SCP2: variants seen among roughly 807,000 people sequenced by gnomAD.
SCP2 encodes SCP-2/3-oxoacyl-CoA thiolase.
In SCP2, 48 loss-of-function variants were observed where a neutral mutation model predicts 71.4. The observed-to-expected ratio is 0.67, with a 90% confidence interval of 0.53 to 0.86. The LOEUF is 0.86. Ranked by LOEUF, SCP2 falls within the 40% of genes least tolerant of loss-of-function variation. SCP2 has a pLI of 0.00. For synonymous variants in SCP2, 220 were observed against 218.1 expected (o/e 1.01, Z -0.08); for missense variants, 560 against 655.6 (o/e 0.85, Z 1.59).
intron 3 of SCP2, among the ~76,000 whole-genome samples, chr1:52,950,108 T>TTTTA (rs35871937): frequency 0.051 from 7,715 of 151,282 alleles, 383 homozygotes; most frequent in African/African-American, 0.13. Context: ...GGTTTAAAGA[T>TTTTA]TTTATTTATT....
chr1:52,951,317 T>C (rs955638602), intron 4 of SCP2, among the ~76,000 whole-genome samples: 1 of 151,770 alleles, frequency 6.6e-6, no homozygotes, highest in Non-Finnish European at 1.5e-5. Flanking sequence ...AAAGGCTTTA[T>C]CAGCCAGGCA....
chr1:52,991,755 G>T (rs986550798), intron 11 of SCP2, among the ~76,000 whole-genome samples: 1 of 151,914 alleles, frequency 6.6e-6, no homozygotes, highest in African/African-American at 2.4e-5. Flanking sequence ...TTTTGGAAAA[G>T]AATGTTCTTT....
intron 11 of SCP2, among the ~76,000 whole-genome samples, chr1:53,006,734 T>C (rs1351431485): frequency 7.1e-6 from 1 of 140,846 alleles, no homozygotes; most frequent in Non-Finnish European, 1.5e-5. Flanking sequence ...ATGAGCAAAA[T>C]AACCAGCTAA....
intron 12 of SCP2, among the ~76,000 whole-genome samples, chr1:53,016,288 T>C (rs1437402748): frequency 6.6e-6 from 1 of 152,324 alleles, no homozygotes; most frequent in East Asian, 1.9e-4. Context: ...TGTATGTTTT[T>C]GGGTACTATC....
intron 1 of SCP2, among the ~76,000 whole-genome samples, chr1:52,938,717 T>C (rs1254140783): frequency 6.6e-6 from 1 of 152,218 alleles, no homozygotes; most frequent in Admixed American, 6.5e-5. Flanking sequence ...TATCCCTCCA[T>C]ATATAGCCTC....
intron 2 of SCP2, among the ~76,000 whole-genome samples, chr1:52,942,476 AC>A (rs1326690528): frequency 1.3e-5 from 2 of 152,124 alleles, no homozygotes; most frequent in African/African-American, 4.8e-5. Context: ...ACGTGCCACG[AC>A]CAGGCTGCAT....
At chr1:53,037,921 CACACACACAGAT>C (rs1321872585) in intron 13 of SCP2, among the ~76,000 whole-genome samples, 48 of 111,244 alleles carry the variant, frequency 4.3e-4, no homozygotes, top group Non-Finnish European at 6.8e-4. Context: ...CACACACACA[CACACACACAGAT>C]CCAGATCCTG....
At chr1:52,979,869 A>G (rs1158206559) in intron 9 of SCP2, among the ~76,000 whole-genome samples, 8 of 151,982 alleles carry the variant, frequency 5.3e-5, no homozygotes, top group Admixed American at 5.3e-4. Context: ...GTAATATAGA[A>G]TCAATTGACT....
Position 52,978,378 on chromosome 1 carries a change from G to A in SCP2, c.825+11G>A. 6.2e-7 allele frequency: 1 copy of A among 1,602,722 alleles called. No individual in the cohort carries two copies. The highest frequency in any genetic ancestry group is 8.5e-7 in the Non-Finnish European group (1 of 1,169,822). ...AGCATTATTAAAATGGTATGTCTGAGATTCTATTTGTTATTTTTATTTTTA... is the reference window on the plus strand; with the variant it reads ...AGCATTATTAAAATGGTATGTCTGAAATTCTATTTGTTATTTTTATTTTTA... On this transcript the variant is annotated intron_variant, in intron 9 of 15. Coordinates refer to ENST00000371514, the MANE Select transcript of SCP2 (RefSeq NM_002979.5).
intron 11 of SCP2, among the ~76,000 whole-genome samples, chr1:53,001,611 G>A (rs1484213144): frequency 6.6e-6 from 1 of 152,144 alleles, no homozygotes; most frequent in Non-Finnish European, 1.5e-5. Flanking sequence ...TCAAGCTAGA[G>A]AGTGGCAAAG....
rs111601095 is a variant in SCP2 at position 53,025,996 on chromosome 1, C to T, written c.1236-1973C>T. Among the ~76,000 whole-genome samples the T allele has an allele frequency of 2.4e-3, 365 of 152,300 alleles. 3 individuals carry two copies. The highest frequency in any genetic ancestry group is 8.3e-3 in the African/African-American group (347 of 41,568). ...CTTTCTTTTAACATACTCCTTTCTC[C>T]CTCAGGATCTTTGCAGTTTCCTCTT... On this transcript the variant is annotated intron_variant, in intron 12 of 15. Coordinates refer to ENST00000371514, the MANE Select transcript of SCP2 (RefSeq NM_002979.5).
chr1:53,048,274 CCA>C, intron 15 of SCP2: 3 of 350,038 alleles, frequency 8.6e-6, no homozygotes, highest in South Asian at 7.1e-5. Flanking sequence ...AGGGAGAGCA[CCA>C]CAGAGGAAGC....
intron 11 of SCP2, chr1:52,993,743 G>A (rs1659717359): frequency 6.2e-7 from 1 of 1,604,840 alleles, no homozygotes; most frequent in African/African-American, 1.3e-5. Flanking sequence ...TATGATTGAA[G>A]ACTCCTGCAT....
At chr1:53,034,313 A>C (rs1257015065) in intron 13 of SCP2, among the ~76,000 whole-genome samples, 1 of 152,152 alleles carries the variant, frequency 6.6e-6, no homozygotes, top group Non-Finnish European at 1.5e-5. Context: ...TGTATGCATC[A>C]ATGTGGATAA....
chr1:52,941,400 TTGAA>T (rs1654221535), intron 1 of SCP2, among the ~76,000 whole-genome samples: 1 of 152,152 alleles, frequency 6.6e-6, no homozygotes, highest in African/African-American at 2.4e-5. Context: ...TGTTTTTTGT[TTGAA>T]TGAGTAGTGA....
chr1:53,025,746 G>T (rs1207123070), intron 12 of SCP2, among the ~76,000 whole-genome samples: 1 of 152,152 alleles, frequency 6.6e-6, no homozygotes, highest in Non-Finnish European at 1.5e-5. Context: ...CTCCTAACTA[G>T]TGCCCACTCC....
chr1:52,996,071 CT>C, intron 11 of SCP2: 2 of 943,494 alleles, frequency 2.1e-6, no homozygotes, highest in South Asian at 4.1e-5. Context: ...CCTTAGCCAT[CT>C]TACTCACCTG....
At chr1:53,006,741 C>A (rs975729406) in intron 11 of SCP2, among the ~76,000 whole-genome samples, 1 of 131,340 alleles carries the variant, frequency 7.6e-6, no homozygotes, top group African/African-American at 4.2e-5. Context: ...AAATAACCAG[C>A]TAACATCATA....
chr1:53,014,596 A>ATTT (rs1661205883), intron 11 of SCP2, among the ~76,000 whole-genome samples: 1 of 152,250 alleles, frequency 6.6e-6, no homozygotes, highest in African/African-American at 2.4e-5. Flanking sequence ...ATACATTAAA[A>ATTT]ATGGTAAAAT....
Sources: gnomAD v4.1 joint callset for allele counts (sites outside exome capture counted in the v4.1 genomes callset) on GRCh38, gnomAD v4.1.1 for gene constraint, MANE v1.5 for transcripts, NCBI Gene and HGNC (gene_info 2026-07-23, HGNC 2026-07-21) for gene names.